Variants in SKAP1 observed in about 807,000 individuals in gnomAD.
SKAP1 encodes src kinase-associated phosphoprotein 1.
SKAP1 carries 44 observed loss-of-function variants against 58.5 expected under a neutral mutation model. The observed-to-expected ratio is 0.75, with a 90% CI of 0.59 to 0.97. The LOEUF (loss-of-function observed/expected upper bound fraction) is 0.97, where lower values mean the gene tolerates loss of function less well. Ranked by LOEUF, SKAP1 falls within the 50% of genes least tolerant of loss-of-function variation. The pLI is 0.00. For missense variants in SKAP1, 390 were observed against 435.2 expected, an observed-to-expected ratio of 0.90 and a Z score of 0.92; for synonymous variants, 127 against 149.7, an observed-to-expected ratio of 0.85 and a Z score of 1.11.
At chr17:48,336,222 C>G (rs1323515113) in intron 4 of SKAP1, among the ~76,000 whole-genome samples, 1 of 152,158 alleles carries the variant, frequency 6.6e-6, no homozygotes, top group Non-Finnish European at 1.5e-5. Context: ...AAAGCAAGCA[C>G]TACACTGGTG....
At chr17:48,388,935 C>T (rs1451213990) in intron 2 of SKAP1, among the ~76,000 whole-genome samples, 1 of 152,170 alleles carries the variant, frequency 6.6e-6, no homozygotes, top group East Asian at 1.9e-4. Flanking sequence ...AAATGAGAGT[C>T]ACTCACTAAT....
intron 4 of SKAP1, among the ~76,000 whole-genome samples, chr17:48,233,231 C>A (rs1326355806): frequency 6.6e-6 from 1 of 152,160 alleles, no homozygotes; most frequent in African/African-American, 2.4e-5. Context: ...CTGGATCTCA[C>A]ATTTGAAAAA....
At chr17:48,390,928 A>C (rs1166712134) in intron 2 of SKAP1, among the ~76,000 whole-genome samples, 1 of 152,122 alleles carries the variant, frequency 6.6e-6, no homozygotes, top group African/African-American at 2.4e-5. Context: ...TACAAAAATT[A>C]GCCAGGTATG....
chr17:48,403,874 G>T (rs980759091), intron 1 of SKAP1, among the ~76,000 whole-genome samples: 3 of 152,042 alleles, frequency 2.0e-5, no homozygotes, highest in Non-Finnish European at 2.9e-5. Flanking sequence ...ACCACTTGAG[G>T]TCAGGAGTTT....
intron 2 of SKAP1, among the ~76,000 whole-genome samples, chr17:48,378,362 AAAT>A (rs1407321257): frequency 6.6e-6 from 1 of 152,228 alleles, no homozygotes; most frequent in African/African-American, 2.4e-5. Context: ...TTTAAAACAG[AAAT>A]AATAACCACA....
At chr17:48,306,928 T>C (rs2066149632) in intron 4 of SKAP1, among the ~76,000 whole-genome samples, 1 of 152,198 alleles carries the variant, frequency 6.6e-6, no homozygotes, top group African/African-American at 2.4e-5. Context: ...CTGGAAAATA[T>C]TAGATCTGAT....
intron 4 of SKAP1, among the ~76,000 whole-genome samples, chr17:48,305,599 C>T (rs1392141289): frequency 6.6e-6 from 1 of 152,168 alleles, no homozygotes; most frequent in Non-Finnish European, 1.5e-5. Flanking sequence ...GCCTCACTTT[C>T]CTGTTCCCTG....
chr17:48,163,635 T>C (rs2064099093), intron 10 of SKAP1, among the ~76,000 whole-genome samples: 1 of 152,156 alleles, frequency 6.6e-6, no homozygotes. Flanking sequence ...CACATGATTT[T>C]GGGGGACTCT....
intron 10 of SKAP1, among the ~76,000 whole-genome samples, chr17:48,163,366 G>C (rs2064095162): frequency 6.6e-6 from 1 of 152,202 alleles, no homozygotes; most frequent in Non-Finnish European, 1.5e-5. Context: ...AGCAGAACTA[G>C]ATGGCAATGA....
chr17:48,140,971 G>C (rs542366972), intron 11 of SKAP1, among the ~76,000 whole-genome samples: 1 of 151,842 alleles, frequency 6.6e-6, no homozygotes, highest in Non-Finnish European at 1.5e-5. Flanking sequence ...ATTTTTAGTA[G>C]AGACGAGGTT....
At chr17:48,196,978 G>A (rs1299221475) in intron 4 of SKAP1, among the ~76,000 whole-genome samples, 1 of 152,232 alleles carries the variant, frequency 6.6e-6, no homozygotes, top group Non-Finnish European at 1.5e-5. Flanking sequence ...GCTGCTTGGG[G>A]CTGGGCGTGG....
chr17:48,274,101 T>A (rs992855960), intron 4 of SKAP1, among the ~76,000 whole-genome samples: 51 of 152,042 alleles, frequency 3.4e-4, no homozygotes, highest in African/African-American at 1.1e-3. Context: ...TTAAAAAAAA[T>A]TTTTAGGCCA....
intron 4 of SKAP1, among the ~76,000 whole-genome samples, chr17:48,341,649 A>C (rs1466033336): frequency 6.6e-6 from 1 of 152,188 alleles, no homozygotes; most frequent in East Asian, 1.9e-4. Context: ...CAAGTATGTA[A>C]TAAAATCAAT....
At chr17:48,156,691 G>A (rs72825550) in intron 11 of SKAP1, among the ~76,000 whole-genome samples, 4,375 of 152,350 alleles carry the variant, frequency 0.029, 88 homozygotes, top group East Asian at 0.054. Flanking sequence ...TGGGGCCAAG[G>A]AATGCATGGA....
At chr17:48,368,135 C>T (rs2067033759) in intron 2 of SKAP1, among the ~76,000 whole-genome samples, 1 of 152,146 alleles carries the variant, frequency 6.6e-6, no homozygotes, top group African/African-American at 2.4e-5. Flanking sequence ...ACAAAGAACA[C>T]TTCTAAAAGG....
rs1257421605 is a variant in SKAP1, at chr17:48,167,249, G to C, written c.877+3360C>G. Among the ~76,000 whole-genome samples, 11 of 152,296 alleles carry C rather than the reference G, an allele frequency of 7.2e-5. No homozygotes were observed. The South Asian group carries it at 2.3e-3, about 32-fold the overall frequency. Reference sequence around the variant, plus strand: ...TGACTGTGGCACCAGAGGAGGAAGAGCAATTGGATAATACCATTTGCTTAT... The same window carrying C: ...TGACTGTGGCACCAGAGGAGGAAGACCAATTGGATAATACCATTTGCTTAT... On this transcript the variant is annotated intron_variant, in intron 10 of 12. Coordinates refer to ENST00000336915, the MANE Select transcript of SKAP1 (RefSeq NM_003726.4).
intron 4 of SKAP1, among the ~76,000 whole-genome samples, chr17:48,232,259 A>C (rs2065133826): frequency 6.6e-6 from 1 of 152,238 alleles, no homozygotes; most frequent in Non-Finnish European, 1.5e-5. Context: ...CCACCATTTT[A>C]GACTTCTTTC....
chr17:48,252,893 T>A (rs1567839342), intron 4 of SKAP1, among the ~76,000 whole-genome samples: 1 of 152,214 alleles, frequency 6.6e-6, no homozygotes, highest in Non-Finnish European at 1.5e-5. Context: ...GCTTTATTGC[T>A]GGAGTAGATG....
At chr17:48,434,024 A>G (rs941710203), upstream of SKAP1, among the ~76,000 whole-genome samples, 1 of 152,214 alleles carries the variant, frequency 6.6e-6, no homozygotes, top group African/African-American at 2.4e-5. Context: ...TCTGGAGAGG[A>G]AACTGCAGAG....
Sources: gnomAD v4.1 joint callset for allele counts (sites outside exome capture counted in the v4.1 genomes callset) on GRCh38, gnomAD v4.1.1 for gene constraint, MANE v1.5 for transcripts, NCBI Gene and HGNC (gene_info 2026-07-23, HGNC 2026-07-21) for gene names.